The following KRT7 variants were observed in gnomAD, a reference collection of about 807,000 sequenced individuals.
KRT7 encodes the protein keratin 7.
A neutral mutation model predicts 42.8 loss-of-function variants in KRT7; 50 were observed. That is an observed-to-expected ratio of 1.17 (90% CI 0.93 to 1.48). KRT7 has a LOEUF of 1.48. Among genes scored for constraint, KRT7 ranks in the 40% most tolerant of loss-of-function variants. The pLI is 0.00. For synonymous variants in KRT7, 268 were observed against 266.3 expected (o/e 1.01, Z -0.06); for missense variants, 588 against 637.6 (o/e 0.92, Z 0.84).
chr12:52,253,318 C>A, downstream of KRT7: 1 of 1,612,876 alleles, frequency 6.2e-7, no homozygotes, highest in Non-Finnish European at 8.5e-7. Context: ...GCCTGATCAC[C>A]GTGGCCTTCA....
At chr12:52,249,573 TAA>T (rs1942231635), downstream of KRT7, 1 of 152,462 alleles carries the variant, frequency 6.6e-6, no homozygotes. Flanking sequence ...ACATCTGTGT[TAA>T]GTCAGTGCTT....
intron 3 of KRT7, 151 bp downstream of exon 3, chr12:52,237,720 G>GAGTGTT: frequency 9.1e-6 from 5 of 547,128 alleles, no homozygotes; most frequent in East Asian, 3.1e-5. Context: ...TCCTGTGGGT[G>GAGTGTT]CGTGTATGTG....
downstream of KRT7, chr12:52,252,149 G>A (rs1433260900): frequency 6.0e-6 from 8 of 1,339,648 alleles, no homozygotes; most frequent in East Asian, 4.8e-5. Context: ...TCCAATTAGC[G>A]TTGATGCACA....
At chr12:52,251,570 CTA>C (rs1942267149), downstream of KRT7, among the ~76,000 whole-genome samples, 2 of 152,298 alleles carry the variant, frequency 1.3e-5, no homozygotes, top group Non-Finnish European at 2.9e-5. Context: ...GTACTGAAGA[CTA>C]AAGGCAACTG....
chr12:52,247,073 A>G (rs1023772721), intron 7 of KRT7: 1 of 152,138 alleles, frequency 6.6e-6, no homozygotes, highest in Non-Finnish European at 1.5e-5. Flanking sequence ...GGAGGTAGAT[A>G]CCTTGCTTTT....
chr12:52,254,390 A>G (rs781733249), downstream of KRT7: 5 of 696,704 alleles, frequency 7.2e-6, no homozygotes, highest in Non-Finnish European at 1.3e-5. Context: ...TGGCACAGGA[A>G]TTGCACTGGG....
At chr12:52,251,093 C>T (rs2121125732), downstream of KRT7, among the ~76,000 whole-genome samples, 1 of 152,268 alleles carries the variant, frequency 6.6e-6, no homozygotes, top group East Asian at 1.9e-4. Context: ...GATTCTCCTG[C>T]CTCAGCCTCC....
At chr12:52,240,024 T>A (rs547342267) in intron 4 of KRT7, among the ~76,000 whole-genome samples, 1 of 152,196 alleles carries the variant, frequency 6.6e-6, no homozygotes, top group Non-Finnish European at 1.5e-5. Context: ...ACGTCCAGTC[T>A]CCACCAGCCC....
chr12:52,238,608 T>C, intron 3 of KRT7, 72 bp from the exon 4 acceptor site: 1 of 931,360 alleles, frequency 1.1e-6, no homozygotes, highest in Admixed American at 1.7e-5. Flanking sequence ...GCAGGCCTGC[T>C]TCCACCCCTA....
downstream of KRT7, chr12:52,255,418 C>T (rs771988802): frequency 3.7e-5 from 17 of 456,448 alleles, no homozygotes; most frequent in South Asian, 2.6e-4. Context: ...TACCTGGGGA[C>T]AAAACACACA....
At position 52,243,336 on chromosome 12, in the gene KRT7, G is replaced by A. The variant is rs73317411; in HGVS notation, c.984+199G>A. On this transcript the variant is annotated intron_variant, in intron 6 of 8. Transcript: ENST00000331817. ...CATGGGCTGATGGGAGAAAGGTCCT[G>A]GATGTGCACAGAGCCTGTGGAGGGA... The A allele has an allele frequency of 6.8e-5, 41 of 605,148 alleles. No homozygotes were observed. In the African/African-American group the frequency reaches 7.2e-4, roughly 11 times the overall value. The allele number at this position is 605,148 out of a possible 1,614,324, so 37.5% of individuals were successfully genotyped here.
Position 52,233,476 on chromosome 12 carries a change from C to T in KRT7, c.180C>T (p.Gly60=), listed in dbSNP as rs756990788. The T allele has an allele frequency of 6.2e-6, 10 of 1,609,704 alleles. No individual in the cohort carries two copies. In the African/African-American group the frequency reaches 9.4e-5, roughly 15 times the overall value. ...GCTCTGCCTATGGGGGCCCGGTGGG[C>T]GCCGGCATCCGCGAGGTCACCATTA... ...AVRSAYGGPV[G]AGIREVTINQ... is the part of the protein sequence containing the mutation. Residue 60 remains glycine, a synonymous_variant, in exon 1 of 9, where the codon GGC becomes GGT. Transcript: ENST00000331817.
At chr12:52,240,464 T>C (rs1340622973) in intron 4 of KRT7, among the ~76,000 whole-genome samples, 3 of 151,924 alleles carry the variant, frequency 2.0e-5, no homozygotes, top group Non-Finnish European at 4.4e-5. Context: ...ACCCCGTGTC[T>C]ACTAAAAATA....
chr12:52,243,252 C>T, intron 6 of KRT7, 115 bp downstream of exon 6: 1 of 1,264,344 alleles, frequency 7.9e-7, no homozygotes. Context: ...AAGCTGGTGC[C>T]ACTGTCTCAG....
downstream of KRT7, chr12:52,251,906 T>C: frequency 2.1e-6 from 1 of 466,216 alleles, no homozygotes; most frequent in Admixed American, 2.5e-5. Context: ...AGTGGAGCAG[T>C]TGAGGCAGAG....
At chr12:52,247,873 T>G in intron 7 of KRT7, 1 of 450,238 alleles carries the variant, frequency 2.2e-6, no homozygotes, top group Admixed American at 3.8e-5. Context: ...TTAGACAGAT[T>G]ATGTCATTTA....
chr12:52,238,600 AG>A (rs1418395121), intron 3 of KRT7, 79 bp from the exon 4 acceptor site: 5 of 851,032 alleles, frequency 5.9e-6, no homozygotes, highest in African/African-American at 1.7e-5. Context: ...TGGACAGGGC[AG>A]GCCTGCTTCC....
chr12:52,253,485 G>C, downstream of KRT7: 9 of 1,546,732 alleles, frequency 5.8e-6, no homozygotes, highest in Non-Finnish European at 8.0e-6. Context: ...CAGAGAGGCA[G>C]CCCTTATCTT....
downstream of KRT7, chr12:52,251,947 C>G: frequency 1.8e-6 from 1 of 547,892 alleles, no homozygotes; most frequent in Non-Finnish European, 3.5e-6. Flanking sequence ...AAAGTTTTTA[C>G]TATCTGAAGC....
Sources: gnomAD v4.1 joint callset for allele counts (sites outside exome capture counted in the v4.1 genomes callset) on GRCh38, gnomAD v4.1.1 for gene constraint, MANE v1.5 for transcripts, NCBI Gene and HGNC (gene_info 2026-07-23, HGNC 2026-07-21) for gene names.